KIF7: variants seen among roughly 807,000 people sequenced by gnomAD.
The protein encoded by KIF7 is kinesin-like protein KIF7.
Under a neutral mutation model 135.7 loss-of-function variants are expected in KIF7, and 104 were observed. The observed-to-expected ratio is 0.77, with a 90% CI of 0.65 to 0.90. KIF7 has a LOEUF of 0.90. Among genes scored for constraint, KIF7 ranks in the 40% least tolerant of loss-of-function variants. The pLI is 0.00. For missense variants in KIF7, 2,005 were observed against 1,839.1 expected (o/e 1.09, Z -1.65); for synonymous variants, 883 against 809.4 (o/e 1.09, Z -1.54).
intron 1 of KIF7, chr15:89,621,353 T>A: frequency 6.3e-7 from 1 of 1,575,892 alleles, no homozygotes; most frequent in Non-Finnish European, 8.6e-7. Context: ...GAACAGGAAT[T>A]GAGAAAGAAT....
intron 14 of KIF7, 102 bp downstream of exon 14, chr15:89,632,718 G>A (rs1963706410): frequency 2.0e-5 from 26 of 1,295,518 alleles, no homozygotes; most frequent in African/African-American, 2.9e-5. Flanking sequence ...ACCTCACCTG[G>A]CAGAAACTTA....
chr15:89,662,322 C>T, the KIF7 span, among the ~76,000 whole-genome samples: 1 of 152,174 alleles, frequency 6.6e-6, no homozygotes, highest in East Asian at 1.9e-4. Flanking sequence ...CATGGTGAAA[C>T]CCCGTCTCTA....
downstream of KIF7, chr15:89,627,281 A>T: frequency 3.1e-6 from 2 of 653,308 alleles, no homozygotes; most frequent in Non-Finnish European, 5.0e-6. Context: ...GGGAAGTTGC[A>T]GGAGGAGAGG....
intron 2 of KIF7, among the ~76,000 whole-genome samples, chr15:89,651,548 A>T (rs1002641431): frequency 2.6e-5 from 4 of 152,350 alleles, no homozygotes; most frequent in African/African-American, 7.2e-5. Flanking sequence ...ATACATTATT[A>T]AGAAAATCAA....
downstream of KIF7, chr15:89,624,916 G>C: frequency 6.2e-7 from 1 of 1,614,064 alleles, no homozygotes; most frequent in Non-Finnish European, 8.5e-7. Context: ...ACAGTGCCAG[G>C]CTTCGGCACA....
At chr15:89,620,271 C>G (rs540296957) in intron 1 of KIF7, among the ~76,000 whole-genome samples, 9 of 152,098 alleles carry the variant, frequency 5.9e-5, no homozygotes, top group Non-Finnish European at 1.0e-4. Flanking sequence ...TGCAGTGGCA[C>G]GAACACAGCT....
chr15:89,661,985 G>A, the KIF7 span, among the ~76,000 whole-genome samples: 1 of 152,044 alleles, frequency 6.6e-6, no homozygotes. Flanking sequence ...CGCCAGCCTT[G>A]GCCTCCCAAA....
At chr15:89,641,113 G>A (rs980940729) in intron 11 of KIF7, among the ~76,000 whole-genome samples, 3 of 152,148 alleles carry the variant, frequency 2.0e-5, no homozygotes, top group South Asian at 2.1e-4. Context: ...ATATGACTGC[G>A]TTTGTAAAGA....
chr15:89,634,470 G>A lies in KIF7; in HGVS notation c.2395-587C>T, dbSNP rs1169677511. Among the ~76,000 whole-genome samples, 10 of 152,288 alleles carry A rather than the reference G, an allele frequency of 6.6e-5. No homozygotes were observed. The East Asian group carries it at 7.7e-4, about 12-fold the overall frequency. ...AGTGGGCGCAGGTCAGTGGGTGCGC[G>A]CACCGTGCGCGAGCCGAAGCAGGGC... is the stretch of plus-strand genomic sequence containing the variant. On this transcript the variant is annotated intron_variant, in intron 11 of 18. Transcript: ENST00000394412.
At chr15:89,634,642 G>A (rs1963763867) in intron 11 of KIF7, among the ~76,000 whole-genome samples, 1 of 152,230 alleles carries the variant, frequency 6.6e-6, no homozygotes, top group Admixed American at 6.5e-5. Flanking sequence ...GGCACACCAG[G>A]AGATTATATC....
chr15:89,626,184 G>C, downstream of KIF7: 1 of 1,044,534 alleles, frequency 9.6e-7, no homozygotes, highest in East Asian at 2.6e-5. Context: ...AGGTGACTTC[G>C]CGCCTACAGC....
chr15:89,655,267 C>T (rs1349177882), intron 1 of KIF7, 132 bp downstream of exon 1: 1 of 152,294 alleles, frequency 6.6e-6, no homozygotes, highest in African/African-American at 2.4e-5. Flanking sequence ...CCGGGCTCCT[C>T]ATGCCGGGTC....
chr15:89,628,465 C>A lies in KIF7; in HGVS notation c.3986G>T (p.Arg1329Leu), dbSNP rs202214398. Residue 1329 changes from arginine (R) to leucine (L), a missense_variant, in exon 19 of 19, where the codon CGA (arginine) becomes CTA (leucine). Physicochemically the swap from Arg to Leu is moderately radical, Grantham distance 102. Coordinates refer to ENST00000394412, the MANE Select transcript of KIF7 (RefSeq NM_198525.3). ...GPLSKPRREL[R>L]RASPGMIDVR... ...ATCAATCATCCCCGGGCTGGCTCGT[C>A]GCAGTTCCCGCCGGGGCTTGGACAA... is the stretch of plus-strand genomic sequence containing the variant. 1 of 1,609,458 alleles carries A rather than the reference C, an allele frequency of 6.2e-7. No homozygotes were observed. Among genetic ancestry groups the A allele is most frequent in the Non-Finnish European group, 8.5e-7 (1 of 1,177,392 alleles).
chr15:89,633,211 T>C lies in KIF7; in HGVS notation c.2648A>G (p.Glu883Gly). Reference sequence around the variant, plus strand: ...CCTCTTCCTCTGGAATGCCGCGATCTCTTCCGTCTTAATCTTCAGGATCTT... The same window carrying C: ...CCTCTTCCTCTGGAATGCCGCGATCCCTTCCGTCTTAATCTTCAGGATCTT... The part of the protein sequence containing the change: ...QQKILKIKTE[E>G]IAAFQRKRRS... The change falls in exon 13 of 19, where the codon GAG becomes GGG. Residue 883 changes from glutamate (E) to glycine (G), a missense_variant. Coordinates refer to ENST00000394412, the MANE Select transcript of KIF7 (RefSeq NM_198525.3). 1 of 1,598,206 alleles carries C rather than the reference T, an allele frequency of 6.3e-7. No homozygotes were observed. Among genetic ancestry groups the C allele is most frequent in the Non-Finnish European group, 8.5e-7 (1 of 1,174,978 alleles).
chr15:89,656,447 G>C (rs1228841626), upstream of KIF7, among the ~76,000 whole-genome samples: 1 of 151,770 alleles, frequency 6.6e-6, no homozygotes, highest in African/African-American at 2.4e-5. Context: ...TTTGGATCAA[G>C]AGCACTCCAA....
At chr15:89,619,852 G>A (rs752244255) in intron 1 of KIF7, 19 of 1,600,930 alleles carry the variant, frequency 1.2e-5, no homozygotes, top group South Asian at 5.7e-5. Flanking sequence ...GGTAACATAC[G>A]GGCCCCTCTG....
downstream of KIF7, chr15:89,627,066 A>C (rs1238624790): frequency 6.2e-7 from 1 of 1,613,998 alleles, no homozygotes; most frequent in African/African-American, 1.3e-5. Context: ...GCTCATGGGA[A>C]CCTGGCTGGA....
At position 89,646,889 on chromosome 15, in the gene KIF7, C is replaced by G. The variant is rs1159063378; in HGVS notation, c.1729G>C (p.Gly577Arg). 4 of 1,614,076 alleles carry G rather than the reference C, an allele frequency of 2.5e-6. No homozygotes were observed. Among genetic ancestry groups the G allele is most frequent in the Non-Finnish European group, 3.4e-6 (4 of 1,180,014 alleles). Residue 577 changes from glycine to arginine, a missense_variant, in exon 7 of 19, where the codon GGC becomes CGC. Transcript: ENST00000394412. Reference protein sequence around the residue: ...PLGGAHAHVLGMVPPACLPGD... With the variant: ...PLGGAHAHVLRMVPPACLPGD... ...GGGAGGCAGGCAGGCGGCACCATGCCCAGCACATGGGCGTGGGCACCCCCC... is the reference window on the plus strand; with the variant it reads ...GGGAGGCAGGCAGGCGGCACCATGCGCAGCACATGGGCGTGGGCACCCCCC...
downstream of KIF7, chr15:89,626,873 G>A (rs2141988030): frequency 6.8e-7 from 1 of 1,472,912 alleles, no homozygotes; most frequent in Non-Finnish European, 9.3e-7. Flanking sequence ...GTTTTTGTGT[G>A]TAACCCTCTG....
Sources: allele counts gnomAD v4.1 joint callset (sites outside exome capture counted in the v4.1 genomes callset), GRCh38; gene constraint gnomAD v4.1.1; transcripts MANE v1.5; gene names NCBI Gene and HGNC (gene_info 2026-07-23, HGNC 2026-07-21).